IRS2: variants seen among roughly 807,000 people sequenced by gnomAD.
IRS2 encodes the protein insulin receptor substrate 2.
IRS2 carries 28 observed loss-of-function variants against 70.9 expected under a neutral mutation model. The ratio of observed to expected loss-of-function variants is 0.39; its 90% CI spans 0.29 to 0.54. The LOEUF (loss-of-function observed/expected upper bound fraction) is 0.54. Among genes scored for constraint, IRS2 ranks in the 20% least tolerant of loss-of-function variants. The probability of loss-of-function intolerance (pLI) is 0.59; values close to 1 mark genes in which losing one functional copy is unlikely to be tolerated. For synonymous variants in IRS2, 1,217 were observed against 981.9 expected (o/e 1.24, Z -4.48); for missense variants, 2,081 against 2,024.1 (o/e 1.03, Z -0.54).
intron 1 of IRS2, among the ~76,000 whole-genome samples, chr13:109,764,239 C>T (rs1403776887): frequency 6.6e-6 from 1 of 152,198 alleles, no homozygotes; most frequent in Non-Finnish European, 1.5e-5. Context: ...AAACTACATG[C>T]CATTCCCACG....
rs867688887 is a variant in IRS2 at position 109,783,256 on chromosome 13, G to A, written c.2798C>T (p.Pro933Leu). Reference sequence around the variant, plus strand: ...CGACGCCAGCAGGGGAGGCGCGGGCGGCGACAGGCGGGCCCCGGGCTCGCC... The same window carrying A: ...CGACGCCAGCAGGGGAGGCGCGGGCAGCGACAGGCGGGCCCCGGGCTCGCC... The part of the protein sequence containing the change: ...DFGEPGARLS[P>L]PAPPLLASAA... The change falls in exon 1 of 2, where the codon CCG becomes CTG. Residue 933 changes from proline to leucine, a missense_variant. Pro to Leu is a moderately conservative substitution (Grantham distance 98, BLOSUM62 -3). Around this residue, in one of 4 missense-constraint regions of IRS2, gnomAD observed 1,615 missense variants for 1,459.5 expected, o/e 1.11. Coordinates refer to ENST00000375856, the MANE Select transcript of IRS2 (RefSeq NM_003749.3). 1 of 1,458,854 alleles carries A rather than the reference G, an allele frequency of 6.9e-7. No individual in the cohort carries two copies. Among genetic ancestry groups the A allele is most frequent in the Admixed American group, 2.4e-5 (1 of 41,292 alleles). The allele number at this position is 1,458,854 out of a possible 1,614,324, so 90.4% of individuals were successfully genotyped here.
Position 109,786,157 on chromosome 13 carries a change from G to GCCGC in IRS2, c.-108_-105dup, listed in dbSNP as rs1756879659. On this transcript the variant is annotated 5_prime_UTR_variant, in exon 1 of 2. Coordinates refer to ENST00000375856, the MANE Select transcript of IRS2 (RefSeq NM_003749.3). This position sits in a 1 kb window ranked among gnomAD's most constrained non-coding sequence, Gnocchi z 4.4. The stretch of plus-strand genomic sequence containing the variant: ...CGGCTCCCTCCCACCCTTGCGCCCG[G>GCCGC]CCGCCCGCCCGATCACGCGTCCCTC... 1 of 633,064 alleles carries GCCGC rather than the reference G, an allele frequency of 1.6e-6. No homozygotes were observed. The highest frequency in any genetic ancestry group is 6.9e-5 in the South Asian group (1 of 14,522). The allele number at this position is 633,064 out of a possible 1,614,324, so 39.2% of individuals were successfully genotyped here.
At chr13:109,775,356 T>G (rs1053930395) in intron 1 of IRS2, among the ~76,000 whole-genome samples, 19 of 152,010 alleles carry the variant, frequency 1.2e-4, no homozygotes, top group African/African-American at 4.6e-4. Flanking sequence ...TGACCTCAGA[T>G]GATCCACCCA....
Position 109,784,016 on chromosome 13 carries a change from G to C in IRS2, c.2038C>G (p.Pro680Ala). ...CRSDDYMPMSPASVSAPKQIL... is the reference protein window; with the variant it reads ...CRSDDYMPMSAASVSAPKQIL... ...TGCTTGGGGGCGGACACGCTGGCGG[G>C]GCTCATGGGCATGTAGTCGTCGCTC... The change falls in exon 1 of 2, where the codon CCC (proline) becomes GCC (alanine). Residue 680 changes from proline to alanine, a missense_variant. Pro to Ala is a conservative substitution (Grantham distance 27). Around this residue, in one of 4 missense-constraint regions of IRS2, gnomAD observed 1,615 missense variants for 1,459.5 expected, o/e 1.11. Transcript: ENST00000375856. This position sits in a 1 kb window ranked among gnomAD's most constrained non-coding sequence, Gnocchi z 5.2. 6.5e-7 allele frequency: 1 copy of C among 1,536,908 alleles called. No individual in the cohort carries two copies. Among genetic ancestry groups the C allele is most frequent in the Non-Finnish European group, 8.7e-7 (1 of 1,146,230 alleles).
At position 109,783,346 on chromosome 13, in the gene IRS2, C is replaced by T. The variant is rs770506121; in HGVS notation, c.2708G>A (p.Ser903Asn). Reference protein sequence around the residue: ...LSLEGLPSLPSMHEYPLPPEP... With the variant: ...LSLEGLPSLPNMHEYPLPPEP... ...CGGTGGCAGTGGGTACTCGTGCATG[C>T]TGGGCAGGCTGGGCAGCCCCTCCAG... is the stretch of plus-strand genomic sequence containing the variant. Residue 903 changes from serine (S) to asparagine (N), a missense_variant, in exon 1 of 2, where the codon AGC becomes AAC. Physicochemically the swap from Ser to Asn is conservative, Grantham distance 46. Transcript: ENST00000375856. The T allele has an allele frequency of 1.9e-6, 3 of 1,549,942 alleles. No homozygotes were observed. Among genetic ancestry groups the T allele is most frequent in the South Asian group, 2.3e-5 (2 of 85,430 alleles).
chr13:109,786,057 G>C lies in IRS2; in HGVS notation c.-4C>G. On this transcript the variant is annotated 5_prime_UTR_variant, in exon 1 of 2. Transcript: ENST00000375856. The surrounding 1 kb of genome is among the most constrained non-coding windows in gnomAD (Gnocchi z 4.4). ...CGTGCCGCGGCGGGCTCGCCATCGC[G>C]GGCGCTTCAGGCCGCGCGGCCCGGG... 2.5e-6 allele frequency: 3 copies of C among 1,220,582 alleles called. No individual in the cohort carries two copies. Among genetic ancestry groups the C allele is most frequent in the East Asian group, 7.4e-5 (2 of 26,868 alleles). The allele number at this position is 1,220,582 out of a possible 1,614,324, so 75.6% of individuals were successfully genotyped here. A position where few individuals can be genotyped will look rare whatever the true frequency, so the allele number is the denominator to read the frequency against.
At chr13:109,771,558 A>G (rs893215727) in intron 1 of IRS2, among the ~76,000 whole-genome samples, 4 of 152,230 alleles carry the variant, frequency 2.6e-5, no homozygotes, top group African/African-American at 9.6e-5. Context: ...CTCACCTGAT[A>G]TATAGAACTG....
At chr13:109,763,442 C>T (rs1235263066) in intron 1 of IRS2, among the ~76,000 whole-genome samples, 1 of 152,212 alleles carries the variant, frequency 6.6e-6, no homozygotes, top group Non-Finnish European at 1.5e-5. Context: ...TTTGATTTTT[C>T]ATGCATAACA....
rs1877823503 is a variant in IRS2, at chr13:109,783,971, C to T, written c.2083G>A (p.Ala695Thr). The change falls in exon 1 of 2, where the codon GCC becomes ACC. Residue 695 changes from alanine to threonine, a missense_variant. By Grantham distance (58) the Ala-to-Thr change is moderately conservative (BLOSUM62 0). This residue lies in a region of IRS2 where 1,615 missense variants were observed against 1,459.5 expected (regional missense o/e 1.11). Coordinates refer to ENST00000375856, the MANE Select transcript of IRS2 (RefSeq NM_003749.3). ...GGCACGGCGGCGGCGGCGGCGGCGG[C>T]GGCCCTGGGCTGCAAGATCTGCTTG... The part of the protein sequence containing the change: ...APKQILQPRA[A>T]AAAAAAVPSA... The T allele has an allele frequency of 1.3e-6, 2 of 1,513,650 alleles. No individual in the cohort carries two copies. The highest frequency in any genetic ancestry group is 2.2e-5 in the Admixed American group (1 of 45,858). 93.8% of individuals were successfully genotyped at this position (1,513,650 alleles called of 1,614,324 possible).
rs1045562536 is a variant in IRS2 at position 109,752,791 on chromosome 13, C to G, written c.*3513G>C. On this transcript the variant is annotated 3_prime_UTR_variant, in exon 2 of 2. Coordinates refer to ENST00000375856, the MANE Select transcript of IRS2 (RefSeq NM_003749.3). ...AAAGTGGATGCACGGACAAATGTTT[C>G]AAGCAAGGAGGTAAAACTCTCCTGG... is the stretch of plus-strand genomic sequence containing the variant. 3 of 152,186 alleles carry G rather than the reference C, an allele frequency of 2.0e-5. No individual in the cohort carries two copies. Among genetic ancestry groups the G allele is most frequent in the Non-Finnish European group, 4.4e-5 (3 of 68,030 alleles). The allele number at this position is 152,186 out of a possible 1,614,324, so 9.4% of individuals were successfully genotyped here.
At chr13:109,771,520 A>C (rs1038349129) in intron 1 of IRS2, among the ~76,000 whole-genome samples, 1 of 152,240 alleles carries the variant, frequency 6.6e-6, no homozygotes, top group African/African-American at 2.4e-5. Context: ...ACTTGACAAC[A>C]TAAGTTATTT....
rs780127725 is a variant in IRS2 at position 109,782,789 on chromosome 13, C to A, written c.3265G>T (p.Ala1089Ser). ...VAATPPQPIA[A>S]PPKPEAARVA... ...CGGGCAGCTTCTGGCTTCGGGGGGG[C>A]CGCGATAGGTTGCGGCGGGGTGGCG... The change falls in exon 1 of 2, where the codon GCC becomes TCC. Residue 1089 changes from alanine (A) to serine (S), a missense_variant. By Grantham distance (99) the Ala-to-Ser change is moderately conservative. This residue lies in a region of IRS2 where 1,615 missense variants were observed against 1,459.5 expected (regional missense o/e 1.11). Coordinates refer to ENST00000375856, the MANE Select transcript of IRS2 (RefSeq NM_003749.3). 1.9e-6 allele frequency: 3 copies of A among 1,603,278 alleles called. No homozygotes were observed. The highest frequency in any genetic ancestry group is 8.5e-7 in the Non-Finnish European group (1 of 1,176,038).
rs1318069791 is a variant in IRS2 at position 109,783,627 on chromosome 13, G to A, written c.2427C>T (p.Ser809=). The change falls in exon 1 of 2, where the codon TCC becomes TCT. Residue 809 remains serine (S), a synonymous_variant. Coordinates refer to ENST00000375856, the MANE Select transcript of IRS2 (RefSeq NM_003749.3). ...PGCCYSSLPR[S]YKAPYTCGGD... is the part of the protein sequence containing the mutation. ...CGCCACAGGTGTAGGGGGCCTTGTA[G>A]GAGCGGGGCAAGGAGCTGTAGCAGC... The A allele has an allele frequency of 1.9e-6, 3 of 1,550,086 alleles. No individual in the cohort carries two copies. The highest frequency in any genetic ancestry group is 2.6e-6 in the Non-Finnish European group (3 of 1,145,616).
chr13:109,768,274 A>G (rs1239239377), intron 1 of IRS2, among the ~76,000 whole-genome samples: 1 of 152,270 alleles, frequency 6.6e-6, no homozygotes, highest in Non-Finnish European at 1.5e-5. Context: ...AATTCTGAAG[A>G]TAGACCTAAA....
In IRS2 at chr13:109,784,575, G is replaced by C; in HGVS notation, c.1479C>G (p.Ser493Arg). The change falls in exon 1 of 2, where the codon AGC becomes AGG. Residue 493 changes from serine to arginine, a missense_variant. Ser to Arg is a moderately radical substitution (Grantham distance 110, BLOSUM62 -1). Transcript: ENST00000375856. This position sits in a 1 kb window ranked among gnomAD's most constrained non-coding sequence, Gnocchi z 5.2. ...CGTCCAGGGACATGAAGCCGGGGTC[G>C]CTGGGGGAGCCCGAGGCGGAGGCGC... The part of the protein sequence containing the change: ...SGSASASGSP[S>R]DPGFMSLDEY... The C allele has an allele frequency of 7.2e-7, 1 of 1,392,108 alleles. No homozygotes were observed. Among genetic ancestry groups the C allele is most frequent in the Non-Finnish European group, 9.3e-7 (1 of 1,078,744 alleles). The allele number at this position is 1,392,108 out of a possible 1,614,324, so 86.2% of individuals were successfully genotyped here.
In IRS2 at chr13:109,783,813, G is replaced by A. The variant is rs763344749; in HGVS notation, c.2241C>T (p.Cys747=). 13 of 1,592,728 alleles carry A rather than the reference G, an allele frequency of 8.2e-6. No individual in the cohort carries two copies. In the East Asian group the frequency reaches 2.5e-4, roughly 31 times the overall value. The change falls in exon 1 of 2, where the codon TGC becomes TGT. Residue 747 remains cysteine (C), a synonymous_variant. Coordinates refer to ENST00000375856, the MANE Select transcript of IRS2 (RefSeq NM_003749.3). The part of the protein sequence containing the change: ...PEDSGYMRMW[C]GSKLSMEHAD... Reference sequence around the variant, plus strand: ...CATGCTCCATGGACAGCTTGGAACCGCACCACATGCGCATGTACCCACTGT... The same window carrying A: ...CATGCTCCATGGACAGCTTGGAACCACACCACATGCGCATGTACCCACTGT...
intron 1 of IRS2, among the ~76,000 whole-genome samples, chr13:109,759,299 G>A (rs1001354327): frequency 5.1e-4 from 77 of 152,194 alleles, no homozygotes; most frequent in Non-Finnish European, 1.2e-4. Context: ...TCACAGACCT[G>A]CTTGCTTAGA....
chr13:109,774,592 C>A (rs1287480687), intron 1 of IRS2, among the ~76,000 whole-genome samples: 1 of 151,020 alleles, frequency 6.6e-6, no homozygotes, highest in African/African-American at 2.5e-5. Flanking sequence ...CCCAAGCAGA[C>A]AATATGACAT....
intron 1 of IRS2, among the ~76,000 whole-genome samples, chr13:109,767,044 G>C (rs972988946): frequency 7.9e-5 from 12 of 152,352 alleles, no homozygotes; most frequent in African/African-American, 2.6e-4. Flanking sequence ...ACACACCAGA[G>C]GACCCAGATC....
Sources: gnomAD v4.1 joint callset for allele counts (sites outside exome capture counted in the v4.1 genomes callset) on GRCh38, gnomAD v4.1.1 for gene constraint, gnomAD v4.1.1 regional missense constraint, Gnocchi (gnomAD v3.1) non-coding constraint, MANE v1.5 for transcripts, NCBI Gene and HGNC (gene_info 2026-07-23, HGNC 2026-07-21) for gene names.